Variants in RHEB observed in about 807,000 individuals in gnomAD.
RHEB encodes GTP-binding protein Rheb.
A neutral mutation model predicts 28.8 loss-of-function variants in RHEB; 2 were observed. That is an observed-to-expected ratio of 0.07 (90% CI 0.03 to 0.22). The LOEUF (loss-of-function observed/expected upper bound fraction) is 0.22. RHEB is among the 10% of genes least tolerant of loss of function. The pLI is 1.00. For missense variants in RHEB, 76 were observed against 219.9 expected, an observed-to-expected ratio of 0.35 and a Z score of 4.14; for synonymous variants, 69 against 77.3, an observed-to-expected ratio of 0.89 and a Z score of 0.56.
At chr7:151,506,713 A>G (rs1007133968) in intron 1 of RHEB, among the ~76,000 whole-genome samples, 2 of 152,236 alleles carry the variant, frequency 1.3e-5, no homozygotes, top group Admixed American at 6.5e-5. Context: ...ACAAACATAC[A>G]TATACCCCTA....
chr7:151,495,681 T>C (rs767114106), intron 1 of RHEB, among the ~76,000 whole-genome samples: 1 of 152,244 alleles, frequency 6.6e-6, no homozygotes, highest in African/African-American at 2.4e-5. Context: ...CCCGGTGTGG[T>C]GGCTCATGCC....
chr7:151,516,043 T>TTTAAC (rs71198720), intron 1 of RHEB, among the ~76,000 whole-genome samples: 67,785 of 151,764 alleles, frequency 0.45, 15,849 homozygotes, highest in South Asian at 0.6. Context: ...ACACTACCAT[T>TTTAAC]TTAAGTTGAG....
chr7:151,518,419 C>G (rs901723504), intron 1 of RHEB, among the ~76,000 whole-genome samples: 3 of 152,190 alleles, frequency 2.0e-5, no homozygotes, highest in African/African-American at 7.2e-5. Context: ...GCTTTCACCT[C>G]CCCATCCCCT....
chr7:151,494,308 A>G (rs1474504754), intron 1 of RHEB, among the ~76,000 whole-genome samples: 1 of 152,246 alleles, frequency 6.6e-6, no homozygotes, highest in Non-Finnish European at 1.5e-5. Context: ...GCACTGGCCA[A>G]GTCTCGACAA....
At chr7:151,516,678 T>G (rs2150941281) in intron 1 of RHEB, among the ~76,000 whole-genome samples, 1 of 152,208 alleles carries the variant, frequency 6.6e-6, no homozygotes, top group South Asian at 2.1e-4. Flanking sequence ...ATAGCACTTT[T>G]TTGTTTTATC....
In RHEB at chr7:151,519,652, C is replaced by T. The variant is rs1803147309; in HGVS notation, c.-141G>A. 5 of 663,322 alleles carry T rather than the reference C, an allele frequency of 7.5e-6. No homozygotes were observed. The highest frequency in any genetic ancestry group is 1.1e-5 in the Non-Finnish European group (5 of 465,284). 41.1% of individuals were successfully genotyped at this position (663,322 alleles called of 1,614,324 possible). ...GGCGGGCGCGGCTGCCTCTCGCTCG[C>T]TAGCTCGCGCGCTCCCAACCGCCCG... On this transcript the variant is annotated 5_prime_UTR_variant, in exon 1 of 8. Transcript: ENST00000262187.
intron 1 of RHEB, among the ~76,000 whole-genome samples, chr7:151,511,327 G>T (rs1045334932): frequency 6.6e-6 from 1 of 152,200 alleles, no homozygotes; most frequent in Non-Finnish European, 1.5e-5. Context: ...AAATGTCCAT[G>T]AGGAGTCCTT....
At position 151,468,788 on chromosome 7, in the gene RHEB, C is replaced by T. The variant is rs997234726; in HGVS notation, c.463-1577G>A. 2.2e-4 allele frequency among the ~76,000 whole-genome samples: 33 copies of T among 152,184 alleles called. No individual in the cohort carries two copies. Among genetic ancestry groups the T allele is most frequent in the African/African-American group, 5.8e-4 (24 of 41,452 alleles). The stretch of plus-strand genomic sequence containing the variant: ...CTGAAGCCAACCCCAGGTCCCACCC[C>T]GCTTGTCTAATCTAGGTCACCGGCT... On this transcript the variant is annotated intron_variant, in intron 7 of 7. Coordinates refer to ENST00000262187, the MANE Select transcript of RHEB (RefSeq NM_005614.4). The surrounding 1 kb of genome is among the most constrained non-coding windows in gnomAD (Gnocchi z 4.3).
chr7:151,480,647 G>C (rs990383181), intron 3 of RHEB, among the ~76,000 whole-genome samples: 2 of 151,678 alleles, frequency 1.3e-5, no homozygotes, highest in Non-Finnish European at 2.9e-5. Context: ...TACATTATAA[G>C]ATGGATTGTC....
At chr7:151,500,279 T>C (rs890905201) in intron 1 of RHEB, among the ~76,000 whole-genome samples, 5 of 151,986 alleles carry the variant, frequency 3.3e-5, no homozygotes, top group Non-Finnish European at 5.9e-5. Context: ...TAGGTACTTA[T>C]TACAAACCAA....
At chr7:151,507,740 GA>G (rs944287370) in intron 1 of RHEB, among the ~76,000 whole-genome samples, 3 of 152,048 alleles carry the variant, frequency 2.0e-5, no homozygotes, top group Admixed American at 6.6e-5. Context: ...AGACAAGGCA[GA>G]AAAAGTAAAA....
rs541008597 is a variant in RHEB, at chr7:151,491,731, T to A, written c.53-717A>T. On this transcript the variant is annotated intron_variant, in intron 1 of 7. Coordinates refer to ENST00000262187, the MANE Select transcript of RHEB (RefSeq NM_005614.4). ...AAGCCTGGGCGACAGAGCAAGACCC[T>A]GTGTCAAAAAAAAAAAAAGGGTAAT... Among the ~76,000 whole-genome samples the A allele has an allele frequency of 3.1e-3, 383 of 122,816 alleles. 2 individuals carry two copies. The highest frequency in any genetic ancestry group is 7.8e-3 in the Middle Eastern group (2 of 258). The allele number at this position is 122,816 out of a possible 152,430, so 80.6% of individuals were successfully genotyped here. A position where few individuals can be genotyped will look rare whatever the true frequency, so the allele number is the denominator to read the frequency against.
intron 2 of RHEB, among the ~76,000 whole-genome samples, chr7:151,490,579 A>C (rs1802562737): frequency 6.6e-6 from 1 of 152,058 alleles, no homozygotes; most frequent in African/African-American, 2.4e-5. Context: ...AGGGATCTCG[A>C]GTGTTTTTCA....
intron 2 of RHEB, among the ~76,000 whole-genome samples, chr7:151,488,609 G>C (rs544444058): frequency 6.6e-6 from 1 of 152,242 alleles, no homozygotes; most frequent in South Asian, 2.1e-4. Context: ...TCAGAAGTGT[G>C]GTAAGTAGAA....
chr7:151,513,918 T>C (rs1563102686), intron 1 of RHEB, among the ~76,000 whole-genome samples: 1 of 152,152 alleles, frequency 6.6e-6, no homozygotes, highest in Non-Finnish European at 1.5e-5. Context: ...TAAAATTCAA[T>C]ATGGAAATGC....
chr7:151,476,201 T>C (rs1172050440), intron 4 of RHEB, among the ~76,000 whole-genome samples: 1 of 152,056 alleles, frequency 6.6e-6, no homozygotes, highest in Non-Finnish European at 1.5e-5. Flanking sequence ...CGGAGAAAAA[T>C]GTTAAACAAC....
At chr7:151,471,484 G>C in intron 5 of RHEB, 43 bp from the exon 6 acceptor site, 2 of 1,542,986 alleles carry the variant, frequency 1.3e-6, no homozygotes, top group South Asian at 2.3e-5. Context: ...GTGCCAGATT[G>C]TATTGCTCAG....
intron 7 of RHEB, among the ~76,000 whole-genome samples, chr7:151,469,406 G>A (rs1411629002): frequency 8.5e-5 from 13 of 152,304 alleles, no homozygotes; most frequent in South Asian, 4.1e-4. Context: ...ATCCAGAGGG[G>A]GTCAACAAGA....
chr7:151,509,236 G>A lies in RHEB; in HGVS notation c.52+10224C>T, dbSNP rs545907260. Among the ~76,000 whole-genome samples, 133 of 152,258 alleles carry A rather than the reference G, an allele frequency of 8.7e-4. 8 individuals are homozygous for A. In the South Asian group the frequency reaches 0.026, roughly 30 times the overall value. ...GGTATGCTTGGTCAAATCCTTGGGT[G>A]ACACAAGGACCCAGGGCCAGCAAAC... On this transcript the variant is annotated intron_variant, in intron 1 of 7. Coordinates refer to ENST00000262187, the MANE Select transcript of RHEB (RefSeq NM_005614.4).
Sources: gnomAD v4.1 joint callset for allele counts (sites outside exome capture counted in the v4.1 genomes callset) on GRCh38, gnomAD v4.1.1 for gene constraint, Gnocchi (gnomAD v3.1) non-coding constraint, MANE v1.5 for transcripts, NCBI Gene and HGNC (gene_info 2026-07-23, HGNC 2026-07-21) for gene names.